Variants in CSMD1 observed in about 807,000 individuals in gnomAD.
CSMD1 encodes the protein CUB and sushi domain-containing protein 1.
A neutral mutation model predicts 417.5 loss-of-function variants in CSMD1; 213 were observed. The ratio of observed to expected loss-of-function variants is 0.51; its 90% confidence interval spans 0.46 to 0.57. The LOEUF (loss-of-function observed/expected upper bound fraction) is 0.57. CSMD1 is among the 20% of genes least tolerant of loss of function. The pLI, the probability that CSMD1 is intolerant of heterozygous loss-of-function variation, is 0.00. For synonymous variants in CSMD1, 2,862 were observed against 1,736.8 expected, an observed-to-expected ratio of 1.65 and a Z score of -16.11; for missense variants, 6,923 against 4,529.7, an observed-to-expected ratio of 1.53 and a Z score of -15.17.
intron 5 of CSMD1, among the ~76,000 whole-genome samples, chr8:3,966,272 C>A (rs1008362109): frequency 6.6e-6 from 1 of 152,120 alleles, no homozygotes. Context: ...GATACTTAAA[C>A]TGAATGCAGA....
chr8:3,179,228 A>C (rs1345109762), intron 37 of CSMD1, among the ~76,000 whole-genome samples: 1 of 152,086 alleles, frequency 6.6e-6, no homozygotes, highest in Non-Finnish European at 1.5e-5. Flanking sequence ...TACAGGCGTG[A>C]GCCACCGCGC....
At chr8:3,216,398 C>T (rs1286720098) in intron 29 of CSMD1, among the ~76,000 whole-genome samples, 2 of 152,086 alleles carry the variant, frequency 1.3e-5, no homozygotes, top group East Asian at 3.9e-4. Context: ...ACAATATTTT[C>T]CCCTATTGAA....
At chr8:4,779,466 T>C (rs1460510610) in intron 1 of CSMD1, among the ~76,000 whole-genome samples, 1 of 149,892 alleles carries the variant, frequency 6.7e-6, no homozygotes, top group Non-Finnish European at 1.5e-5. Flanking sequence ...TGAAGCTCAT[T>C]AATTTATTTT....
chr8:4,338,184 G>T (rs145672455), intron 3 of CSMD1, among the ~76,000 whole-genome samples: 1 of 152,066 alleles, frequency 6.6e-6, no homozygotes, highest in African/African-American at 2.4e-5. Context: ...TGGTACTAAT[G>T]CAAGAGTTAG....
At chr8:4,683,558 T>A (rs1336078872) in intron 1 of CSMD1, among the ~76,000 whole-genome samples, 2 of 152,158 alleles carry the variant, frequency 1.3e-5, no homozygotes, top group Non-Finnish European at 2.9e-5. Context: ...TAGAGGCACG[T>A]TCTATTGTGA....
intron 1 of CSMD1, among the ~76,000 whole-genome samples, chr8:4,989,154 A>T (rs901602279): frequency 6.6e-6 from 1 of 152,240 alleles, no homozygotes; most frequent in South Asian, 2.1e-4. Context: ...CACAATGATC[A>T]TGTAATTGAA....
chr8:4,889,803 G>T (rs969986172), intron 1 of CSMD1, among the ~76,000 whole-genome samples: 1 of 152,064 alleles, frequency 6.6e-6, no homozygotes, highest in African/African-American at 2.4e-5. Flanking sequence ...CTACTATGTT[G>T]AAACTTGATG....
At chr8:4,844,593 C>A (rs1400105400) in intron 1 of CSMD1, among the ~76,000 whole-genome samples, 1 of 152,142 alleles carries the variant, frequency 6.6e-6, no homozygotes, top group East Asian at 1.9e-4. Context: ...ACACAGATTG[C>A]TTTTTCTGTA....
In CSMD1 at chr8:3,545,122, G is replaced by A. The variant is rs188016989; in HGVS notation, c.1344+29823C>T. ...CCTAGGACAGGTATCAAAGCAGATC[G>A]TCTCTCTCTTTCTCCGTCATTACTT... On this transcript the variant is annotated intron_variant, in intron 10 of 69. Transcript: ENST00000635120. Among the ~76,000 whole-genome samples, 97 of 152,208 alleles carry A rather than the reference G, an allele frequency of 6.4e-4. No homozygotes were observed. In the East Asian group the frequency reaches 0.015, roughly 23 times the overall value.
At chr8:4,547,182 C>A (rs371448077) in intron 2 of CSMD1, among the ~76,000 whole-genome samples, 6 of 152,184 alleles carry the variant, frequency 3.9e-5, no homozygotes, top group Non-Finnish European at 4.4e-5. Context: ...AACCCGTCCA[C>A]TTATTAAACT....
intron 3 of CSMD1, among the ~76,000 whole-genome samples, chr8:4,236,428 T>G (rs947671341): frequency 6.6e-6 from 1 of 152,130 alleles, no homozygotes; most frequent in Admixed American, 6.6e-5. Flanking sequence ...ATTTTTCTCC[T>G]ACACCCCGGG....
chr8:3,569,528 G>C (rs1198158400), intron 10 of CSMD1, among the ~76,000 whole-genome samples: 2 of 152,174 alleles, frequency 1.3e-5, no homozygotes, highest in South Asian at 2.1e-4. Context: ...ATTTCTTAAA[G>C]TTTGCAGACC....
In CSMD1 at chr8:3,677,337, T is replaced by C. The variant is rs76208353; in HGVS notation, c.1009+31077A>G. On this transcript the variant is annotated intron_variant, in intron 7 of 69. Transcript: ENST00000635120. ...TGACTTAATAACCATCTATACCTTT[T>C]AAAAGTAATTCTTGAATAAATAAGC... Among the ~76,000 whole-genome samples, 1,237 of 152,292 alleles carry C rather than the reference T, an allele frequency of 8.1e-3. 15 individuals carry two copies. Among genetic ancestry groups the C allele is most frequent in the African/African-American group, 0.028 (1,170 of 41,538 alleles).
At chr8:4,900,954 T>C (rs1448654300) in intron 1 of CSMD1, among the ~76,000 whole-genome samples, 1 of 152,224 alleles carries the variant, frequency 6.6e-6, no homozygotes, top group African/African-American at 2.4e-5. Context: ...TGCGGCCACA[T>C]GGCAAGTCTT....
chr8:4,057,964 G>C (rs1401533107), intron 3 of CSMD1, among the ~76,000 whole-genome samples: 1 of 150,520 alleles, frequency 6.6e-6, no homozygotes, highest in African/African-American at 2.4e-5. Context: ...AAGTCAGGTA[G>C]GGTGATGCCT....
At chr8:3,303,595 T>G (rs544747675) in intron 25 of CSMD1, among the ~76,000 whole-genome samples, 1 of 152,326 alleles carries the variant, frequency 6.6e-6, no homozygotes, top group Admixed American at 6.5e-5. Context: ...ACATTCAAAG[T>G]GAGCTTTCCA....
intron 48 of CSMD1, among the ~76,000 whole-genome samples, chr8:3,091,095 TAA>T (rs1814911660): frequency 6.6e-6 from 1 of 152,024 alleles, no homozygotes; most frequent in East Asian, 1.9e-4. Flanking sequence ...GAAACATACA[TAA>T]AGAGACCTGC....
rs59647790 is a variant in CSMD1, at chr8:4,113,390, CTTTTTTTT to C, written c.416-81299_416-81292del. Reference sequence around the variant, plus strand: ...ATGTTCTTCAAGGAAAATAAAAGGGCTTTTTTTTTTTTTTTTTTTTTTTTTTTTAAATG... The same window carrying C: ...ATGTTCTTCAAGGAAAATAAAAGGGCTTTTTTTTTTTTTTTTTTTTAAATG... On this transcript the variant is annotated intron_variant, in intron 3 of 69. Transcript: ENST00000635120. Among the ~76,000 whole-genome samples, 16 of 81,202 alleles carry C rather than the reference CTTTTTTTT, an allele frequency of 2.0e-4. 1 individual carries two copies. The highest frequency in any genetic ancestry group is 1.3e-3 in the East Asian group (3 of 2,258). The allele number at this position is 81,202 out of a possible 152,430, so 53.3% of individuals were successfully genotyped here.
At chr8:4,402,501 A>G (rs1804709671) in intron 3 of CSMD1, among the ~76,000 whole-genome samples, 1 of 152,120 alleles carries the variant, frequency 6.6e-6, no homozygotes, top group African/African-American at 2.4e-5. Context: ...TCCTCTCCCA[A>G]GCATCCATAT....
Sources: gnomAD v4.1 joint callset for allele counts (sites outside exome capture counted in the v4.1 genomes callset) on GRCh38, gnomAD v4.1.1 for gene constraint, MANE v1.5 for transcripts, NCBI Gene and HGNC (gene_info 2026-07-23, HGNC 2026-07-21) for gene names.